Variants in WDSUB1 observed in about 807,000 individuals in gnomAD.
The protein encoded by WDSUB1 is WD repeat, sterile alpha motif and U-box domain containing 1.
In WDSUB1, 49 loss-of-function variants were observed where a neutral mutation model predicts 53.9. The ratio of observed to expected loss-of-function variants is 0.91; its 90% CI spans 0.72 to 1.15. The LOEUF (loss-of-function observed/expected upper bound fraction) is 1.15. Among genes scored for constraint, WDSUB1 ranks in the 50% most tolerant of loss-of-function variants. The pLI is 0.00. For synonymous variants in WDSUB1, 194 were observed against 200.6 expected (o/e 0.97, Z 0.28); for missense variants, 514 against 562.0 (o/e 0.91, Z 0.86).
chr2:159,249,327 C>T (rs1356751497), intron 9 of WDSUB1, among the ~76,000 whole-genome samples: 1 of 152,108 alleles, frequency 6.6e-6, no homozygotes, highest in Non-Finnish European at 1.5e-5. Flanking sequence ...TGTTTTTATT[C>T]TTAACTTTAA....
At chr2:159,245,681 T>C (rs559069206) in intron 10 of WDSUB1, among the ~76,000 whole-genome samples, 184 of 152,260 alleles carry the variant, frequency 1.2e-3, no homozygotes, top group African/African-American at 4.1e-3. Flanking sequence ...AATAAAATGA[T>C]TTCTCAATAA....
rs1363218268 is a variant in WDSUB1, at chr2:159,279,873, G to A, written c.471C>T (p.Gly157=). 2.5e-6 allele frequency: 4 copies of A among 1,612,512 alleles called. No homozygotes were observed. The highest frequency in any genetic ancestry group is 2.5e-6 in the Non-Finnish European group (3 of 1,178,864). The change falls in exon 3 of 11, where the codon GGC becomes GGT. Residue 157 remains glycine, a synonymous_variant. Coordinates refer to ENST00000359774, the MANE Select transcript of WDSUB1 (RefSeq NM_001128212.3). Reference sequence around the variant, plus strand: ...ACACTGTTAAATCACCACATGAGGAGCCAGTGACAAAGAAGCTTCCATTAG... The same window carrying A: ...ACACTGTTAAATCACCACATGAGGAACCAGTGACAAAGAAGCTTCCATTAG... The part of the protein sequence containing the change: ...FSPNGSFFVT[G]SSCGDLTVWD...
rs879593540 is a variant in WDSUB1 at position 159,237,520 on chromosome 2, CAAA to C, written c.1274-1333_1274-1331del. ...TGGGTGACAGAGCAAGACTCCATCT[CAAA>C]AAAAAAAAAAGTTACAACTATAAAA... On this transcript the variant is annotated intron_variant, in intron 10 of 10. Coordinates refer to ENST00000359774, the MANE Select transcript of WDSUB1 (RefSeq NM_001128212.3). Among the ~76,000 whole-genome samples, 4 of 138,720 alleles carry C rather than the reference CAAA, an allele frequency of 2.9e-5. No homozygotes were observed. In the East Asian group the frequency reaches 8.2e-4, roughly 28 times the overall value. 91.0% of individuals were successfully genotyped at this position (138,720 alleles called of 152,430 possible). A position where few individuals can be genotyped will look rare whatever the true frequency, so the allele number is the denominator to read the frequency against.
chr2:159,275,765 CTT>C (rs2061527525), intron 3 of WDSUB1, 127 bp from the exon 4 acceptor site: 4 of 678,950 alleles, frequency 5.9e-6, no homozygotes, highest in African/African-American at 3.8e-5. Flanking sequence ...TATTAGTTAA[CTT>C]ATATCATTTA....
chr2:159,266,442 C>A (rs931565689), intron 5 of WDSUB1, among the ~76,000 whole-genome samples: 1 of 152,194 alleles, frequency 6.6e-6, no homozygotes, highest in Non-Finnish European at 1.5e-5. Flanking sequence ...CCCGCCTCGG[C>A]CTCCCAAAGT....
At position 159,236,188 on chromosome 2, in the gene WDSUB1, C is replaced by A; in HGVS notation, c.1276G>T (p.Gly426Cys). 6.3e-7 allele frequency: 1 copy of A among 1,590,410 alleles called. No homozygotes were observed. Among genetic ancestry groups the A allele is most frequent in the Admixed American group, 1.8e-5 (1 of 54,584 alleles). Reference sequence around the variant, plus strand: ...ATTGCTTCCTTTTCATATGAATAGCCATCTAAAAAAAAAAAATCACACAAA... The same window carrying A: ...ATTGCTTCCTTTTCATATGAATAGCAATCTAAAAAAAAAAAATCACACAAA... Reference protein sequence around the residue: ...LMKDPVIASDGYSYEKEAMEN... With the variant: ...LMKDPVIASDCYSYEKEAMEN... The change falls in exon 11 of 11, where the codon GGC becomes TGC. Residue 426 changes from glycine to cysteine, a missense_variant and splice_region_variant. Gly to Cys is a radical substitution (Grantham distance 159, BLOSUM62 -3). Transcript: ENST00000359774.
At position 159,282,872 on chromosome 2, in the gene WDSUB1, T is replaced by C. The variant is rs2061697581; in HGVS notation, c.198A>G (p.Gly66=). ...CTGTTGAACACGATGCCAAAATATG[T>C]CCTGAAGGGGAGAAACAGCAGCAGT... ...AVHCCCFSPS[G]HILASCSTDG... is the part of the protein sequence containing the mutation. Residue 66 remains glycine, a synonymous_variant, in exon 2 of 11, where the codon GGA becomes GGG. Coordinates refer to ENST00000359774, the MANE Select transcript of WDSUB1 (RefSeq NM_001128212.3). 1 of 1,614,038 alleles carries C rather than the reference T, an allele frequency of 6.2e-7. No individual in the cohort carries two copies. The highest frequency in any genetic ancestry group is 1.7e-5 in the Admixed American group (1 of 59,990).
chr2:159,257,636 C>T (rs927950196), intron 8 of WDSUB1, 122 bp downstream of exon 8: 2 of 766,254 alleles, frequency 2.6e-6, no homozygotes, highest in African/African-American at 1.8e-5. Context: ...GATACACCCA[C>T]CTTGGCCTCC....
In WDSUB1 at chr2:159,283,002, G is replaced by C. The variant is rs1368773376; in HGVS notation, c.68C>G (p.Ser23Cys). The change falls in exon 2 of 11, where the codon TCC becomes TGC. Residue 23 changes from serine to cysteine, a missense_variant. Ser to Cys is a moderately radical substitution (Grantham distance 112). Coordinates refer to ENST00000359774, the MANE Select transcript of WDSUB1 (RefSeq NM_001128212.3). Reference protein sequence around the residue: ...DDVNCCAFSFSLLATCSLDKT... With the variant: ...DDVNCCAFSFCLLATCSLDKT... ...GTCCAAGGAGCAAGTAGCCAAGAGGGAAAAGGAGAAGGCACAGCAGTTGAC... is the reference window on the plus strand; with the variant it reads ...GTCCAAGGAGCAAGTAGCCAAGAGGCAAAAGGAGAAGGCACAGCAGTTGAC... 2 of 1,614,070 alleles carry C rather than the reference G, an allele frequency of 1.2e-6. No individual in the cohort carries two copies. The highest frequency in any genetic ancestry group is 1.3e-5 in the African/African-American group (1 of 74,934).
chr2:159,251,973 A>T (rs1322157530), intron 9 of WDSUB1, among the ~76,000 whole-genome samples: 1 of 152,136 alleles, frequency 6.6e-6, no homozygotes, highest in Admixed American at 6.5e-5. Flanking sequence ...CCGATGCCAC[A>T]GCAGCCCCAG....
intron 10 of WDSUB1, among the ~76,000 whole-genome samples, chr2:159,238,729 T>A: frequency 6.6e-6 from 1 of 152,192 alleles, no homozygotes; most frequent in East Asian, 1.9e-4. Flanking sequence ...TAACATCTCA[T>A]AGGACCAGCA....
At chr2:159,285,846 T>C (rs1451469542) in intron 1 of WDSUB1, among the ~76,000 whole-genome samples, 1 of 152,188 alleles carries the variant, frequency 6.6e-6, no homozygotes, top group Non-Finnish European at 1.5e-5. Context: ...TCTGGTAGAC[T>C]ATCCCTGTAC....
chr2:159,276,783 G>A (rs1296498474), intron 3 of WDSUB1, among the ~76,000 whole-genome samples: 1 of 152,126 alleles, frequency 6.6e-6, no homozygotes, highest in Non-Finnish European at 1.5e-5. Flanking sequence ...CACTTTGAGA[G>A]GCTGACACCA....
rs184344047 is a variant in WDSUB1 at position 159,252,110 on chromosome 2, C to T, written c.1133-3598G>A. On this transcript the variant is annotated intron_variant, in intron 9 of 10. Transcript: ENST00000359774. ...AACAGAACCAAATGCTGGTTTCTTA[C>T]GAAGAAAGCTAAAAATCTGCTTTTT... 4.4e-4 allele frequency among the ~76,000 whole-genome samples: 66 copies of T among 151,216 alleles called. 1 individual carries two copies. The East Asian group carries it at 7.2e-3, about 16-fold the overall frequency.
intron 1 of WDSUB1, among the ~76,000 whole-genome samples, chr2:159,285,559 A>T (rs2061773983): frequency 6.6e-6 from 1 of 151,986 alleles, no homozygotes; most frequent in South Asian, 2.1e-4. Flanking sequence ...AAAAATAATT[A>T]GCTGGGTGTG....
intron 9 of WDSUB1, among the ~76,000 whole-genome samples, chr2:159,250,685 T>C (rs985781916): frequency 3.3e-5 from 5 of 152,232 alleles, no homozygotes; most frequent in African/African-American, 4.8e-5. Flanking sequence ...CGAGGAGTTA[T>C]AATGATGGAT....
chr2:159,237,370 A>G (rs555945598), intron 10 of WDSUB1, among the ~76,000 whole-genome samples: 1 of 152,124 alleles, frequency 6.6e-6, no homozygotes, highest in Admixed American at 6.5e-5. Context: ...AAAATACACA[A>G]ATTAGCTGGG....
rs1180169318 is a variant in WDSUB1 at position 159,279,708 on chromosome 2, A to C, written c.583+53T>G. 2.0e-6 allele frequency: 3 copies of C among 1,512,618 alleles called. No homozygotes were observed. The African/African-American group carries it at 4.2e-5, about 21-fold the overall frequency. 93.7% of individuals were successfully genotyped at this position (1,512,618 alleles called of 1,614,324 possible). On this transcript the variant is annotated intron_variant, in intron 3 of 10. Transcript: ENST00000359774. ...AATAAAAGAATGAAAAGTCATATACAGCACAAATTACAAATAGGAATTTCT... is the reference window on the plus strand; with the variant it reads ...AATAAAAGAATGAAAAGTCATATACCGCACAAATTACAAATAGGAATTTCT...
chr2:159,259,333 G>A (rs2061141132), intron 6 of WDSUB1, among the ~76,000 whole-genome samples: 1 of 151,984 alleles, frequency 6.6e-6, no homozygotes, highest in African/African-American at 2.4e-5. Context: ...CCACAACTTG[G>A]TCTTTACCCA....
Sources: gnomAD v4.1 joint callset for allele counts (sites outside exome capture counted in the v4.1 genomes callset) on GRCh38, gnomAD v4.1.1 for gene constraint, MANE v1.5 for transcripts, NCBI Gene and HGNC (gene_info 2026-07-23, HGNC 2026-07-21) for gene names.